The following CCDC120 variants were observed in gnomAD, a reference collection of about 807,000 sequenced individuals.
CCDC120 encodes the protein coiled-coil domain containing 120, also known as coiled-coil domain-containing protein 120.
A neutral mutation model predicts 37.6 loss-of-function variants in CCDC120; 16 were observed. The observed-to-expected ratio is 0.43, with a 90% CI of 0.29 to 0.65. CCDC120 has a LOEUF of 0.65. Ranked by LOEUF, CCDC120 falls within the 30% of genes least tolerant of loss-of-function variation. The probability of loss-of-function intolerance (pLI) is 0.18; values close to 1 mark genes in which losing one functional copy is unlikely to be tolerated. For synonymous variants in CCDC120, 309 were observed against 275.4 expected (o/e 1.12, Z -1.21); for missense variants, 650 against 657.4 (o/e 0.99, Z 0.12).
chrX:49,064,929 G>A, intron 6 of CCDC120, 107 bp from the exon 7 acceptor site: 1 of 863,803 alleles, frequency 1.2e-6, no homozygotes, highest in Non-Finnish European at 1.7e-6. Context: ...GGATGAGGCG[G>A]AAACTGGCCA....
chrX:49,059,455 C>T (rs1199663317), intron 1 of CCDC120: 1 of 508,646 alleles, frequency 2.0e-6, no homozygotes, highest in Non-Finnish European at 2.4e-6. Flanking sequence ...CAGGGCCCAG[C>T]TCTCCAAGAA....
At chrX:49,068,519 C>T (rs1557082299) in intron 10 of CCDC120, 25 bp from the exon 11 acceptor site, 10 of 1,082,265 alleles carry the variant, frequency 9.2e-6, no homozygotes, top group Non-Finnish European at 1.2e-5. Flanking sequence ...CCCTGTCCTC[C>T]GGATTCCTGC....
chrX:49,062,657 T>C (rs781800216), intron 4 of CCDC120, 56 bp downstream of exon 4: 48 of 1,151,971 alleles, frequency 4.2e-5, no homozygotes, highest in Non-Finnish European at 5.6e-5. Flanking sequence ...GGTGAGGAGC[T>C]GGGGCCCCTA....
At chrX:49,059,246 AG>A (rs1366574443) in intron 1 of CCDC120, 151 bp downstream of exon 1, 3 of 447,101 alleles carry the variant, frequency 6.7e-6, no homozygotes, top group African/African-American at 6.2e-5. Flanking sequence ...GTGGGGGGGT[AG>A]GGGGGCAGTG....
chrX:49,055,930 T>C (rs1382671998), upstream of CCDC120, among the ~76,000 whole-genome samples: 2 of 111,550 alleles, frequency 1.8e-5, no homozygotes, highest in Non-Finnish European at 3.8e-5. Context: ...ACATAGTGAG[T>C]AGGGAAAATT....
chrX:49,067,216 G>A lies in CCDC120; in HGVS notation c.1102G>A (p.Asp368Asn). 6 of 1,211,269 alleles carry A rather than the reference G, an allele frequency of 5.0e-6. No individual in the cohort carries two copies. Among genetic ancestry groups the A allele is most frequent in the Non-Finnish European group, 6.7e-6 (6 of 895,353 alleles). The change falls in exon 10 of 11, where the codon GAC becomes AAC. Residue 368 changes from aspartate (D) to asparagine (N), a missense_variant. Physicochemically the swap from Asp to Asn is conservative, Grantham distance 23. Coordinates refer to ENST00000603986, the MANE Select transcript of CCDC120 (RefSeq NM_001163321.4). The stretch of plus-strand genomic sequence containing the variant: ...TTCTCGTCAGTGGTCCGGCAGCCAG[G>A]ACTCCCAGATGGGCTTCCCCCGGGC... Reference protein sequence around the residue: ...LHSRQWSGSQDSQMGFPRADP... With the variant: ...LHSRQWSGSQNSQMGFPRADP...
intron 7 of CCDC120, 122 bp downstream of exon 7, chrX:49,065,220 C>A: frequency 1.3e-6 from 1 of 766,839 alleles, no homozygotes; most frequent in South Asian, 2.4e-5. Flanking sequence ...CCCTCCTGTG[C>A]TGCTTCAGCT....
rs782549482 is a variant in CCDC120 at position 49,065,583 on chromosome X, A to G, written c.917A>G (p.Tyr306Cys). 6.6e-6 allele frequency: 8 copies of G among 1,210,274 alleles called. No homozygotes were observed. The Admixed American group carries it at 1.7e-4, about 26-fold the overall frequency. ...TGGAAACCACCTCCATCAGATCTTTATGGGGATCTGAAGAGCCGGCGGAAC... is the reference window on the plus strand; with the variant it reads ...TGGAAACCACCTCCATCAGATCTTTGTGGGGATCTGAAGAGCCGGCGGAAC... Reference protein sequence around the residue: ...TPWKPPPSDLYGDLKSRRNSV... With the variant: ...TPWKPPPSDLCGDLKSRRNSV... Residue 306 changes from tyrosine to cysteine, a missense_variant, in exon 8 of 11, where the codon TAT becomes TGT. Transcript: ENST00000603986.
upstream of CCDC120, among the ~76,000 whole-genome samples, chrX:49,057,748 G>A (rs2064841093): frequency 8.9e-6 from 1 of 112,348 alleles, no homozygotes; most frequent in South Asian, 3.7e-4. Flanking sequence ...TGCTGCAGGG[G>A]TCTGGGTAGG....
chrX:49,061,662 C>T (rs1012998880), intron 1 of CCDC120, among the ~76,000 whole-genome samples: 1 of 112,091 alleles, frequency 8.9e-6, no homozygotes, highest in African/African-American at 3.2e-5. Context: ...GGGCAAAGGC[C>T]CTGAGGCCTG....
intron 9 of CCDC120, chrX:49,066,768 G>T: frequency 7.5e-6 from 1 of 133,285 alleles, no homozygotes; most frequent in Non-Finnish European, 1.5e-5. Context: ...TTCAGGCAGG[G>T]TTTTACATGT....
At position 49,063,943 on chromosome X, in the gene CCDC120, C is replaced by T; in HGVS notation, c.371C>T (p.Ala124Val). 8.3e-7 allele frequency: 1 copy of T among 1,208,718 alleles called. No homozygotes were observed. Among genetic ancestry groups the T allele is most frequent in the African/African-American group, 1.7e-5 (1 of 57,602 alleles). ...TTGGTCCGCCGGCGGCCCCCCACAG[C>T]CCGCGCCTACCCTCCACCGCACCCC... ...PQLVRRRPPT[A>V]RAYPPPHPNQ... Residue 124 changes from alanine (A) to valine (V), a missense_variant, in exon 5 of 11, where the codon GCC (alanine) becomes GTC (valine). This residue lies in a region of CCDC120 where 576 missense variants were observed against 565.3 expected (regional missense o/e 1.02). Coordinates refer to ENST00000603986, the MANE Select transcript of CCDC120 (RefSeq NM_001163321.4).
chrX:49,058,852 CCT>C (rs2064849912), upstream of CCDC120: 1 of 112,165 alleles, frequency 8.9e-6, no homozygotes, highest in African/African-American at 3.2e-5. Flanking sequence ...TGCTGAGCAC[CCT>C]GAGTGGACCT....
rs192061071 is a variant in CCDC120, at chrX:49,069,623, C to G, written c.*965C>G. The G allele has an allele frequency of 2.7e-5, 3 of 112,416 alleles. No homozygotes were observed. Among genetic ancestry groups the G allele is most frequent in the African/African-American group, 9.7e-5 (3 of 30,881 alleles). The allele number at this position is 112,416 out of a possible 1,213,427, so 9.3% of individuals were successfully genotyped here. A position where few individuals can be genotyped will look rare whatever the true frequency, so the allele number is the denominator to read the frequency against. On this transcript the variant is annotated 3_prime_UTR_variant, in exon 11 of 11. Coordinates refer to ENST00000603986, the MANE Select transcript of CCDC120 (RefSeq NM_001163321.4). ...CTCGTGATCTGCCCGCCTTGGCCTC[C>G]CAAAGTGCTGGGATTACAGCCGTGA...
intron 1 of CCDC120, 131 bp downstream of exon 1, chrX:49,059,226 C>A: frequency 3.1e-6 from 1 of 318,886 alleles, no homozygotes; most frequent in Non-Finnish European, 4.1e-6. Context: ...CAATGCAGGG[C>A]AGGGTGGTGG....
chrX:49,064,169 G>C (rs782118840), intron 5 of CCDC120, among the ~76,000 whole-genome samples, 168 bp downstream of exon 5: 20 of 111,452 alleles, frequency 1.8e-4, no homozygotes, highest in African/African-American at 5.2e-4. Flanking sequence ...GAGGATGCTG[G>C]TCCCTAACTG....
At chrX:49,062,692 C>A in intron 4 of CCDC120, 91 bp downstream of exon 4, 1 of 932,886 alleles carries the variant, frequency 1.1e-6, no homozygotes, top group Non-Finnish European at 1.5e-6. Context: ...GGTGGCAATT[C>A]CTCAACCACT....
chrX:49,064,027 G>T (rs1557080259), intron 5 of CCDC120, 26 bp downstream of exon 5: 1 of 1,175,710 alleles, frequency 8.5e-7, no homozygotes, highest in East Asian at 3.0e-5. Flanking sequence ...TGGAGAGCAA[G>T]AGGGTGGGAA....
intron 1 of CCDC120, among the ~76,000 whole-genome samples, chrX:49,060,597 C>T (rs2064875803): frequency 9.1e-6 from 1 of 110,040 alleles, no homozygotes; most frequent in Non-Finnish European, 1.9e-5. Context: ...TAAATGGGGG[C>T]TGGGAAAGTT....
Sources: allele counts gnomAD v4.1 joint callset (sites outside exome capture counted in the v4.1 genomes callset), GRCh38; gene constraint gnomAD v4.1.1; regional missense constraint gnomAD v4.1.1; transcripts MANE v1.5; gene names NCBI Gene and HGNC (gene_info 2026-07-23, HGNC 2026-07-21).